NAIP: variants seen among roughly 807,000 people sequenced by gnomAD.
NAIP encodes the protein baculoviral IAP repeat-containing protein 1.
NAIP carries 15 observed loss-of-function variants against 23.0 expected under a neutral mutation model. That is an observed-to-expected ratio of 0.65 (90% CI 0.44 to 1.00). The LOEUF is 1.00. NAIP is among the 50% of genes least tolerant of loss of function. NAIP has a pLI of 0.00. For missense variants in NAIP, 265 were observed against 278.8 expected, an observed-to-expected ratio of 0.95 and a Z score of 0.35; for synonymous variants, 100 against 100.2, an observed-to-expected ratio of 1.00 and a Z score of 0.01.
intron 3 of NAIP, among the ~76,000 whole-genome samples, chr5:71,014,529 T>C (rs1751345010): frequency 6.6e-6 from 1 of 151,714 alleles, no homozygotes; most frequent in Non-Finnish European, 1.5e-5. Flanking sequence ...CTGGTGGTTA[T>C]ATGATTAACA....
intron 3 of NAIP, 76 bp from the exon 4 acceptor site, chr5:71,012,994 A>C: frequency 7.8e-7 from 1 of 1,282,108 alleles, no homozygotes; most frequent in South Asian, 1.5e-5. Flanking sequence ...CTGTTTCCGA[A>C]GAAACCAGGA....
chr5:71,011,230 C>CAA, intron 5 of NAIP, 45 bp downstream of exon 5: 19 of 1,271,242 alleles, frequency 1.5e-5, no homozygotes, highest in East Asian at 2.7e-5. Flanking sequence ...AAGACTGTCT[C>CAA]AAAAAAAAAA....
intron 5 of NAIP, 34 bp downstream of exon 5, chr5:71,011,241 G>C (rs1347452830): frequency 1.3e-6 from 2 of 1,491,120 alleles, no homozygotes; most frequent in Admixed American, 3.9e-5. Flanking sequence ...AAAAAAAAAA[G>C]AAAGAAACAT....
At chr5:70,979,602 T>C (rs1454279713) in intron 13 of NAIP, among the ~76,000 whole-genome samples, 1 of 105,868 alleles carries the variant, frequency 9.4e-6, no homozygotes, top group African/African-American at 4.4e-5. Context: ...ATAATAATAA[T>C]AATAATAATA....
At position 71,012,323 on chromosome 5, in the gene NAIP, A is replaced by C. The variant is rs371300928; in HGVS notation, c.568+25T>G. The C allele has an allele frequency of 2.6e-6, 4 of 1,543,176 alleles. No homozygotes were observed. In the Admixed American group the frequency reaches 8.3e-5, roughly 32 times the overall value. ...CCTAAACTTAAAACGCCAGAGAAAC[A>C]CTTCAGAGAATAATTTCAAGGTACC... On this transcript the variant is annotated intron_variant, in intron 4 of 16. Coordinates refer to ENST00000517649, the MANE Select transcript of NAIP (RefSeq NM_004536.3).
At chr5:70,978,128 C>CATAT (rs1442201087) in intron 13 of NAIP, among the ~76,000 whole-genome samples, 1 of 39,624 alleles carries the variant, frequency 2.5e-5, no homozygotes, top group African/African-American at 6.8e-5. Flanking sequence ...CACACACACA[C>CATAT]ACATATATAT....
intron 3 of NAIP, among the ~76,000 whole-genome samples, chr5:71,016,139 G>A (rs1039650812): frequency 4.6e-5 from 7 of 150,584 alleles, no homozygotes; most frequent in South Asian, 2.1e-4. Flanking sequence ...TTAAGAAAAC[G>A]AAAACTTAGC....
chr5:71,008,819 AG>A lies in NAIP; in HGVS notation c.668+2455del, dbSNP rs201972612. ...ACTGTCACAAAAAAAAAAAAAAAAA[AG>A]AAAGAAAGAAAGAAAATAGAATCTG... On this transcript the variant is annotated intron_variant, in intron 5 of 16. Coordinates refer to ENST00000517649, the MANE Select transcript of NAIP (RefSeq NM_004536.3). Among the ~76,000 whole-genome samples, 1,091 of 123,166 alleles carry A rather than the reference AG, an allele frequency of 8.9e-3. 127 individuals carry two copies. Among genetic ancestry groups the A allele is most frequent in the African/African-American group, 0.032 (838 of 25,912 alleles). 80.8% of individuals were successfully genotyped at this position (123,166 alleles called of 152,430 possible).
chr5:71,013,725 CT>C (rs765205909), intron 3 of NAIP, among the ~76,000 whole-genome samples: 1 of 150,736 alleles, frequency 6.6e-6, no homozygotes, highest in Non-Finnish European at 1.5e-5. Flanking sequence ...CCTCGGGTAA[CT>C]TTCTAGTGTC....
chr5:71,013,048 G>C lies in NAIP; in HGVS notation c.-3-130C>G. The C allele has an allele frequency of 9.1e-6, 8 of 881,700 alleles. 1 individual carries two copies. Among genetic ancestry groups the C allele is most frequent in the Middle Eastern group, 2.7e-4 (1 of 3,666 alleles). The allele number at this position is 881,700 out of a possible 1,614,324, so 54.6% of individuals were successfully genotyped here. ...ATTTCAACACAAAAGATAAATTGTT[G>C]GAAAATTATGAAACATCAGTATTCA... On this transcript the variant is annotated intron_variant, in intron 3 of 16. Coordinates refer to ENST00000517649, the MANE Select transcript of NAIP (RefSeq NM_004536.3).
At chr5:70,971,616 A>C (rs1447823528) in intron 16 of NAIP, 8 of 227,216 alleles carry the variant, frequency 3.5e-5, no homozygotes, top group Non-Finnish European at 5.3e-5. Context: ...TCCAGACTAA[A>C]TTACAAGGGA....
chr5:71,000,515 CTGACTAATAATAA>C (rs1750769063), intron 8 of NAIP, among the ~76,000 whole-genome samples: 1 of 117,462 alleles, frequency 8.5e-6, no homozygotes, highest in Admixed American at 8.7e-5. Flanking sequence ...GTATGGTCAT[CTGACTAATAATAA>C]TAATAATAAT....
Position 71,012,825 on chromosome 5 carries a change from C to T in NAIP, c.91G>A (p.Ala31Thr). 1.2e-6 allele frequency: 2 copies of T among 1,611,914 alleles called. No homozygotes were observed. Among genetic ancestry groups the T allele is most frequent in the Non-Finnish European group, 1.7e-6 (2 of 1,178,486 alleles). ...PELSALLGLDAVQLAKELEEE... is the reference protein window; with the variant it reads ...PELSALLGLDTVQLAKELEEE... Reference sequence around the variant, plus strand: ...TCTAGTTCCTTTGCCAACTGAACTGCATCTAGGCCCAGAAGAGCAGACAGC... The same window carrying T: ...TCTAGTTCCTTTGCCAACTGAACTGTATCTAGGCCCAGAAGAGCAGACAGC... The change falls in exon 4 of 17, where the codon GCA becomes ACA. Residue 31 changes from alanine to threonine, a missense_variant. Around this residue, in one of 2 missense-constraint regions of NAIP, gnomAD observed 261 missense variants for 259.2 expected, o/e 1.01. Coordinates refer to ENST00000517649, the MANE Select transcript of NAIP (RefSeq NM_004536.3).
At chr5:71,014,090 C>G (rs554502260) in intron 3 of NAIP, among the ~76,000 whole-genome samples, 2 of 150,546 alleles carry the variant, frequency 1.3e-5, no homozygotes, top group Non-Finnish European at 3.0e-5. Flanking sequence ...GGCTCTAGCC[C>G]AAGTAATTCC....
chr5:71,015,999 C>A (rs1751426250), intron 3 of NAIP, among the ~76,000 whole-genome samples: 1 of 139,148 alleles, frequency 7.2e-6, no homozygotes, highest in Non-Finnish European at 1.6e-5. Context: ...AAATGAACAA[C>A]TGAGGGTGCG....
At chr5:70,978,145 A>T (rs1458006690) in intron 13 of NAIP, among the ~76,000 whole-genome samples, 2 of 40,122 alleles carry the variant, frequency 5.0e-5, no homozygotes, top group Non-Finnish European at 7.4e-5. Flanking sequence ...ATATATATAT[A>T]TATATTTTTT....
At chr5:71,011,970 A>G (rs181920509) in intron 4 of NAIP, among the ~76,000 whole-genome samples, 1 of 151,672 alleles carries the variant, frequency 6.6e-6, no homozygotes, top group African/African-American at 2.4e-5. Flanking sequence ...TACTGCAGCA[A>G]TGAGAAGAAT....
intron 13 of NAIP, among the ~76,000 whole-genome samples, chr5:70,977,405 TG>T (rs1345709575): frequency 6.9e-6 from 1 of 145,720 alleles, no homozygotes; most frequent in Admixed American, 6.7e-5. Flanking sequence ...GGCTCATGCC[TG>T]TAATCCCAGC....
chr5:71,010,069 A>G (rs1485342795), intron 5 of NAIP, among the ~76,000 whole-genome samples: 1 of 151,620 alleles, frequency 6.6e-6, no homozygotes, highest in Non-Finnish European at 1.5e-5. Context: ...ACCTTCCAGC[A>G]TACACCATTT....
Sources: gnomAD v4.1 joint callset for allele counts (sites outside exome capture counted in the v4.1 genomes callset) on GRCh38, gnomAD v4.1.1 for gene constraint, gnomAD v4.1.1 regional missense constraint, MANE v1.5 for transcripts, NCBI Gene and HGNC (gene_info 2026-07-23, HGNC 2026-07-21) for gene names.